The following OSBPL3 variants were observed in gnomAD, a reference collection of about 807,000 sequenced individuals.
The protein encoded by OSBPL3 is oxysterol-binding protein-related protein 3.
OSBPL3 carries 65 observed loss-of-function variants against 120.1 expected under a neutral mutation model. That is an observed-to-expected ratio of 0.54 (90% CI 0.44 to 0.67). OSBPL3 has a LOEUF of 0.67. OSBPL3 is among the 30% of genes least tolerant of loss of function. The pLI is 0.00. For missense variants in OSBPL3, 1,004 were observed against 1,082.1 expected, an observed-to-expected ratio of 0.93 and a Z score of 1.01; for synonymous variants, 416 against 402.6, an observed-to-expected ratio of 1.03 and a Z score of -0.40.
intron 13 of OSBPL3, among the ~76,000 whole-genome samples, 159 bp downstream of exon 13, chr7:24,842,120 A>G (rs571429610): frequency 6.6e-6 from 1 of 152,296 alleles, no homozygotes; most frequent in South Asian, 2.1e-4. Flanking sequence ...ATCATTTTAT[A>G]CTTTTTGGGT....
At chr7:24,904,168 T>C (rs1807500338) in intron 1 of OSBPL3, among the ~76,000 whole-genome samples, 1 of 152,052 alleles carries the variant, frequency 6.6e-6, no homozygotes, top group Non-Finnish European at 1.5e-5. Flanking sequence ...CAGGTGTGAG[T>C]CACTGCACCT....
In OSBPL3 at chr7:24,947,078, T is replaced by A. The variant is rs1219958929; in HGVS notation, c.-150+32808A>T. On this transcript the variant is annotated intron_variant, in intron 1 of 22. Transcript: ENST00000313367. The surrounding 1 kb of genome is among the most constrained non-coding windows in gnomAD (Gnocchi z 4.4). ...TGGACTGCTGAGTTCTAGCAAGGCATAGAGCTGTCTAAAAACAAAGTCAGG... is the reference window on the plus strand; with the variant it reads ...TGGACTGCTGAGTTCTAGCAAGGCAAAGAGCTGTCTAAAAACAAAGTCAGG... 6.6e-6 allele frequency among the ~76,000 whole-genome samples: 1 copy of A among 152,186 alleles called. No homozygotes were observed. The highest frequency in any genetic ancestry group is 6.5e-5 in the Admixed American group (1 of 15,288).
rs774111870 is a variant in OSBPL3, at chr7:24,849,228, A to G, written c.1159-52T>C. Reference sequence around the variant, plus strand: ...CTGTTAATAAATGGATGTTTCAGAAAAGCACAGCAGTGGGCCCTGCAGGAG... The same window carrying G: ...CTGTTAATAAATGGATGTTTCAGAAGAGCACAGCAGTGGGCCCTGCAGGAG... On this transcript the variant is annotated intron_variant, in intron 11 of 22. Coordinates refer to ENST00000313367, the MANE Select transcript of OSBPL3 (RefSeq NM_015550.4). This position sits in a 1 kb window ranked among gnomAD's most constrained non-coding sequence, Gnocchi z 5.4. The G allele has an allele frequency of 7.7e-6, 11 of 1,434,024 alleles. No individual in the cohort carries two copies. Among genetic ancestry groups the G allele is most frequent in the Non-Finnish European group, 9.8e-6 (10 of 1,021,868 alleles). The allele number at this position is 1,434,024 out of a possible 1,614,324, so 88.8% of individuals were successfully genotyped here. A position where few individuals can be genotyped will look rare whatever the true frequency, so the allele number is the denominator to read the frequency against.
intron 5 of OSBPL3, among the ~76,000 whole-genome samples, chr7:24,868,143 C>G (rs564620135): frequency 6.6e-6 from 1 of 151,786 alleles, no homozygotes; most frequent in East Asian, 1.9e-4. Flanking sequence ...ATGGTGAAAC[C>G]CTGTCTCTAC....
At chr7:24,858,131 A>G (rs1800058095) in intron 10 of OSBPL3, among the ~76,000 whole-genome samples, 1 of 152,204 alleles carries the variant, frequency 6.6e-6, no homozygotes, top group African/African-American at 2.4e-5. Flanking sequence ...ACAGTCTATA[A>G]TATAGAATAA....
In OSBPL3 at chr7:24,861,745, C is replaced by G; in HGVS notation, c.895G>C (p.Val299Leu). 1 of 1,598,594 alleles carries G rather than the reference C, an allele frequency of 6.3e-7. No homozygotes were observed. The highest frequency in any genetic ancestry group is 8.5e-7 in the Non-Finnish European group (1 of 1,174,466). Residue 299 changes from valine (V) to leucine (L), a missense_variant, in exon 10 of 23, where the codon GTA (valine) becomes CTA (leucine). Around this residue, in one of 4 missense-constraint regions of OSBPL3, gnomAD observed 272 missense variants for 248.8 expected, o/e 1.09. Transcript: ENST00000313367. The stretch of plus-strand genomic sequence containing the variant: ...TTAGGATTGGAGGAGTGTAGTCTTA[C>G]TGGGCCAGAAAAAGGTTTCGGGACC... ...LQVPKPFSGP[V>L]RLHSSNPNLS...
Position 24,830,800 on chromosome 7 carries a change from C to T in OSBPL3, c.1852G>A (p.Glu618Lys). 1 of 1,613,844 alleles carries T rather than the reference C, an allele frequency of 6.2e-7. No individual in the cohort carries two copies. Among genetic ancestry groups the T allele is most frequent in the South Asian group, 1.1e-5 (1 of 90,978 alleles). The change falls in exon 16 of 23, where the codon GAG becomes AAG. Residue 618 changes from glutamate to lysine, a missense_variant. Glu to Lys is a moderately conservative substitution (Grantham distance 56). Transcript: ENST00000313367. The surrounding 1 kb of genome is among the most constrained non-coding windows in gnomAD (Gnocchi z 4.4). Reference protein sequence around the residue: ...VLGETYECIREDKGFQFFSEQ... With the variant: ...VLGETYECIRKDKGFQFFSEQ... The stretch of plus-strand genomic sequence containing the variant: ...GAAAAAAACTGGAAGCCCTTGTCCT[C>T]CCGAATACATTCATATGTTTCTCCA...
intron 12 of OSBPL3, among the ~76,000 whole-genome samples, chr7:24,845,554 C>A (rs753057394): frequency 6.7e-6 from 1 of 148,952 alleles, no homozygotes; most frequent in African/African-American, 2.5e-5. Flanking sequence ...ATATGAAAAA[C>A]ATTATCATTG....
intron 2 of OSBPL3, among the ~76,000 whole-genome samples, chr7:24,890,333 AAC>A (rs1469932764): frequency 6.6e-6 from 1 of 152,190 alleles, no homozygotes; most frequent in Non-Finnish European, 1.5e-5. Flanking sequence ...CGTGACTGGA[AAC>A]ACAGTGTCAT....
intron 1 of OSBPL3, among the ~76,000 whole-genome samples, chr7:24,973,785 C>T (rs1053356696): frequency 2.6e-5 from 4 of 152,100 alleles, no homozygotes; most frequent in Admixed American, 6.5e-5. Context: ...TCCTTTCATA[C>T]CAGAGGAATC....
rs1812658789 is a variant in OSBPL3, at chr7:24,938,308, C to T, written c.-150+41578G>A. ...CATCTATGATGCAGGCAGCCCTCAC[C>T]AGACACTGAATCTGCCAGCACCTTG... On this transcript the variant is annotated intron_variant, in intron 1 of 22. Coordinates refer to ENST00000313367, the MANE Select transcript of OSBPL3 (RefSeq NM_015550.4). The surrounding 1 kb of genome is among the most constrained non-coding windows in gnomAD (Gnocchi z 5.8). Among the ~76,000 whole-genome samples the T allele has an allele frequency of 6.6e-6, 1 of 152,220 alleles. No homozygotes were observed. The highest frequency in any genetic ancestry group is 1.5e-5 in the Non-Finnish European group (1 of 68,024).
intron 10 of OSBPL3, among the ~76,000 whole-genome samples, chr7:24,859,180 A>C (rs769114651): frequency 1.3e-5 from 2 of 152,208 alleles, no homozygotes; most frequent in African/African-American, 4.8e-5. Flanking sequence ...TTTTAAATTT[A>C]GAGGGTAAGG....
At position 24,855,371 on chromosome 7, in the gene OSBPL3, G is replaced by A. The variant is rs1799710336; in HGVS notation, c.1028-2737C>T. On this transcript the variant is annotated intron_variant, in intron 10 of 22. Coordinates refer to ENST00000313367, the MANE Select transcript of OSBPL3 (RefSeq NM_015550.4). This position sits in a 1 kb window ranked among gnomAD's most constrained non-coding sequence, Gnocchi z 4.3. ...AAAAACAAGGCTTTCCACCAAATGA[G>A]AAGAGTCCTACATAAATTTTAAAAA... is the stretch of plus-strand genomic sequence containing the variant. Among the ~76,000 whole-genome samples, 1 of 152,150 alleles carries A rather than the reference G, an allele frequency of 6.6e-6. No homozygotes were observed. Among genetic ancestry groups the A allele is most frequent in the Admixed American group, 6.5e-5 (1 of 15,274 alleles).
chr7:24,933,794 T>C lies in OSBPL3; in HGVS notation c.-149-41173A>G, dbSNP rs1812070111. ...CAAACCAATGGGTAATTCCCAAAGT[T>C]ACTATCTGCTTTTGCTATCAAAGTT... On this transcript the variant is annotated intron_variant, in intron 1 of 22. Transcript: ENST00000313367. This position sits in a 1 kb window ranked among gnomAD's most constrained non-coding sequence, Gnocchi z 5.1. Among the ~76,000 whole-genome samples, 1 of 152,244 alleles carries C rather than the reference T, an allele frequency of 6.6e-6. No individual in the cohort carries two copies. The highest frequency in any genetic ancestry group is 6.5e-5 in the Admixed American group (1 of 15,280).
rs1004881870 is a variant in OSBPL3 at position 24,952,062 on chromosome 7, C to A, written c.-150+27824G>T. On this transcript the variant is annotated intron_variant, in intron 1 of 22. Transcript: ENST00000313367. This position sits in a 1 kb window ranked among gnomAD's most constrained non-coding sequence, Gnocchi z 4.4. ...CATCTAATAACTAAAAGGAAGAACACGAATGAATGTAGAGGGGCCTCCCCA... is the reference window on the plus strand; with the variant it reads ...CATCTAATAACTAAAAGGAAGAACAAGAATGAATGTAGAGGGGCCTCCCCA... Among the ~76,000 whole-genome samples, 2 of 152,102 alleles carry A rather than the reference C, an allele frequency of 1.3e-5. No individual in the cohort carries two copies. The highest frequency in any genetic ancestry group is 4.8e-5 in the African/African-American group (2 of 41,414).
rs1032278841 is a variant in OSBPL3 at position 24,968,960 on chromosome 7, C to A, written c.-150+10926G>T. Among the ~76,000 whole-genome samples the A allele has an allele frequency of 6.6e-6, 1 of 152,114 alleles. No individual in the cohort carries two copies. Among genetic ancestry groups the A allele is most frequent in the South Asian group, 2.1e-4 (1 of 4,826 alleles). ...GTATTTATTCAAATACTCCAAGAAACAATTTTGCATATATATCATTTTGTG... is the reference window on the plus strand; with the variant it reads ...GTATTTATTCAAATACTCCAAGAAAAAATTTTGCATATATATCATTTTGTG... On this transcript the variant is annotated intron_variant, in intron 1 of 22. Transcript: ENST00000313367. The surrounding 1 kb of genome is among the most constrained non-coding windows in gnomAD (Gnocchi z 4.6).
At chr7:24,928,451 A>G (rs966444621) in intron 1 of OSBPL3, among the ~76,000 whole-genome samples, 1 of 152,090 alleles carries the variant, frequency 6.6e-6, no homozygotes, top group African/African-American at 2.4e-5. Flanking sequence ...TTGGCCTCCC[A>G]AAGTGCTAGG....
intron 1 of OSBPL3, among the ~76,000 whole-genome samples, chr7:24,911,453 T>C (rs1808807271): frequency 6.6e-6 from 1 of 152,196 alleles, no homozygotes; most frequent in Non-Finnish European, 1.5e-5. Flanking sequence ...CAACTTATCA[T>C]CTTTTCAGAA....
intron 2 of OSBPL3, among the ~76,000 whole-genome samples, chr7:24,878,950 C>A (rs988848554): frequency 6.6e-6 from 1 of 152,130 alleles, no homozygotes; most frequent in African/African-American, 2.4e-5. Context: ...CAGGCTGTCT[C>A]AAAAAATTGG....
Sources: gnomAD v4.1 joint callset for allele counts (sites outside exome capture counted in the v4.1 genomes callset) on GRCh38, gnomAD v4.1.1 for gene constraint, gnomAD v4.1.1 regional missense constraint, Gnocchi (gnomAD v3.1) non-coding constraint, MANE v1.5 for transcripts, NCBI Gene and HGNC (gene_info 2026-07-23, HGNC 2026-07-21) for gene names.